MYO16: variants seen among roughly 807,000 people sequenced by gnomAD.
The protein encoded by MYO16 is unconventional myosin-XVI.
Under a neutral mutation model 205.3 loss-of-function variants are expected in MYO16, and 94 were observed. The ratio of observed to expected loss-of-function variants is 0.46; its 90% CI spans 0.39 to 0.54. The LOEUF (loss-of-function observed/expected upper bound fraction) is 0.54. MYO16 is among the 20% of genes least tolerant of loss of function. MYO16 has a pLI of 0.00. For synonymous variants in MYO16, 988 were observed against 954.0 expected (o/e 1.04, Z -0.66); for missense variants, 2,315 against 2,387.5 (o/e 0.97, Z 0.63).
chr13:109,012,228 A>G (rs1885626016), intron 22 of MYO16, among the ~76,000 whole-genome samples: 2 of 152,128 alleles, frequency 1.3e-5, no homozygotes, highest in Admixed American at 6.5e-5. Flanking sequence ...GGGGTCCCCA[A>G]CCCCTGGGGC....
chr13:108,900,851 A>G (rs1438406907), intron 15 of MYO16, among the ~76,000 whole-genome samples: 1 of 152,228 alleles, frequency 6.6e-6, no homozygotes, highest in African/African-American at 2.4e-5. Flanking sequence ...AGGTGGAGCC[A>G]TATTTCTCTT....
chr13:108,584,776 T>A, the MYO16 span, among the ~76,000 whole-genome samples: 1 of 152,232 alleles, frequency 6.6e-6, no homozygotes, highest in Non-Finnish European at 1.5e-5. Flanking sequence ...TTAGAGCAAC[T>A]TTGGACCAAA....
chr13:109,170,594 A>C (rs1243029220), intron 33 of MYO16, among the ~76,000 whole-genome samples: 1 of 151,990 alleles, frequency 6.6e-6, no homozygotes, highest in Admixed American at 6.6e-5. Context: ...CTTCACCAAA[A>C]TATTTAAGTT....
chr13:108,861,908 A>G (rs1392007260), intron 11 of MYO16, among the ~76,000 whole-genome samples: 1 of 152,128 alleles, frequency 6.6e-6, no homozygotes, highest in Non-Finnish European at 1.5e-5. Flanking sequence ...TACTCTTCAA[A>G]TAGCGTATTT....
chr13:108,740,547 T>C (rs9301312), intron 4 of MYO16, among the ~76,000 whole-genome samples: 111,457 of 152,034 alleles, frequency 0.73, 41,457 homozygotes, highest in Non-Finnish European at 0.8. Context: ...CTGCCCCTAC[T>C]GAGGGGTTCC....
At position 108,956,393 on chromosome 13, in the gene MYO16, C is replaced by T. The variant is rs149699626; in HGVS notation, c.1926-1295C>T. Among the ~76,000 whole-genome samples the T allele has an allele frequency of 1.8e-3, 272 of 152,300 alleles. 2 individuals carry two copies. Among genetic ancestry groups the T allele is most frequent in the African/African-American group, 6.2e-3 (257 of 41,560 alleles). On this transcript the variant is annotated intron_variant, in intron 16 of 34. Transcript: ENST00000457511. ...TGGGCCACACACTCCCCTTACTTGCCTTACCTCTTTGCAGGTAATCTTGCC... is the reference window on the plus strand; with the variant it reads ...TGGGCCACACACTCCCCTTACTTGCTTTACCTCTTTGCAGGTAATCTTGCC...
intron 27 of MYO16, among the ~76,000 whole-genome samples, chr13:109,095,147 A>T (rs1261144359): frequency 6.6e-6 from 1 of 152,264 alleles, no homozygotes; most frequent in Non-Finnish European, 1.5e-5. Flanking sequence ...AGACAGGAAG[A>T]GCAGGCTGTC....
chr13:108,840,986 T>C (rs433434), intron 9 of MYO16, among the ~76,000 whole-genome samples: 89,457 of 152,068 alleles, frequency 0.59, 27,705 homozygotes, highest in Middle Eastern at 0.72. Flanking sequence ...GATTTATCAA[T>C]TGAATGCAAT....
intron 16 of MYO16, among the ~76,000 whole-genome samples, chr13:108,914,201 TTAA>T (rs537692707): frequency 2.0e-3 from 297 of 149,124 alleles, no homozygotes; most frequent in Non-Finnish European, 2.9e-3. Context: ...TCTACTATTG[TTAA>T]TAATTACTGT....
chr13:108,500,325 G>A, the MYO16 span, among the ~76,000 whole-genome samples: 1 of 136,752 alleles, frequency 7.3e-6, no homozygotes, highest in African/African-American at 2.7e-5. Context: ...TGCCTCCCGG[G>A]TTCAAGCGAT....
At chr13:108,511,242 C>T in the MYO16 span, among the ~76,000 whole-genome samples, 16 of 138,750 alleles carry the variant, frequency 1.2e-4, 1 homozygote, top group East Asian at 2.3e-4. Flanking sequence ...GAGCTTTCTT[C>T]GTGTGTTTTT....
intron 23 of MYO16, among the ~76,000 whole-genome samples, chr13:109,036,632 T>C (rs1272669022): frequency 6.6e-6 from 1 of 152,208 alleles, no homozygotes; most frequent in Non-Finnish European, 1.5e-5. Flanking sequence ...TTTTGAGTTA[T>C]TTTATTGAAC....
intron 16 of MYO16, among the ~76,000 whole-genome samples, chr13:108,918,508 A>G (rs1881599734): frequency 6.6e-6 from 1 of 152,232 alleles, no homozygotes; most frequent in Non-Finnish European, 1.5e-5. Flanking sequence ...AGCCTGCTCA[A>G]GGTCAGGCAA....
Position 109,052,380 on chromosome 13 carries a change from T to C in MYO16, c.2953T>C (p.Phe985Leu), listed in dbSNP as rs541580222. 1.7e-5 allele frequency: 27 copies of C among 1,612,868 alleles called. No individual in the cohort carries two copies. Among genetic ancestry groups the C allele is most frequent in the South Asian group, 4.4e-5 (4 of 91,048 alleles). Residue 985 changes from phenylalanine to leucine, a missense_variant, in exon 25 of 35, where the codon TTT becomes CTT. Physicochemically the swap from Phe to Leu is conservative, Grantham distance 22. Around this residue, in one of 3 missense-constraint regions of MYO16, gnomAD observed 1,213 missense variants for 1,274.4 expected, o/e 0.95. Coordinates refer to ENST00000457511, the MANE Select transcript of MYO16 (RefSeq NM_001198950.3). ...TGSLVSAYPSFKFRGHKSALL... is the reference protein window; with the variant it reads ...TGSLVSAYPSLKFRGHKSALL... Reference sequence around the variant, plus strand: ...ATCCCTCGTATCTGCCTATCCTTCCTTTAAATTCCGAGGACATAAGTCTGC... The same window carrying C: ...ATCCCTCGTATCTGCCTATCCTTCCCTTAAATTCCGAGGACATAAGTCTGC...
chr13:108,909,639 G>A (rs1020087849), intron 15 of MYO16, among the ~76,000 whole-genome samples: 1 of 151,686 alleles, frequency 6.6e-6, no homozygotes, highest in African/African-American at 2.4e-5. Context: ...AACAGTGTAA[G>A]TTAATATCCA....
intron 31 of MYO16, among the ~76,000 whole-genome samples, chr13:109,135,370 A>T (rs762209283): frequency 5.3e-5 from 8 of 152,182 alleles, no homozygotes; most frequent in Admixed American, 1.3e-4. Context: ...CGTAGCTCTT[A>T]GGTCTATGTT....
At chr13:108,781,140 T>C (rs994620905) in intron 4 of MYO16, among the ~76,000 whole-genome samples, 4 of 152,236 alleles carry the variant, frequency 2.6e-5, no homozygotes, top group Admixed American at 2.6e-4. Flanking sequence ...TTCGCATATA[T>C]AGTATTTCAC....
chr13:109,100,860 C>G lies in MYO16; in HGVS notation c.3411C>G (p.Leu1137=). ...QSAAERCRLV[L]QQCKLQGWQM... ...CTGCCGAGCGATGTCGACTTGTTCT[C>G]CAGCAGTGTAAATTACAAGGCTGGC... The change falls in exon 28 of 35, where the codon CTC becomes CTG. Residue 1137 remains leucine (L), a synonymous_variant. Transcript: ENST00000457511. 6.2e-7 allele frequency: 1 copy of G among 1,613,230 alleles called. No homozygotes were observed. The highest frequency in any genetic ancestry group is 1.3e-5 in the African/African-American group (1 of 75,016).
chr13:109,061,071 A>T (rs932152103), intron 27 of MYO16, among the ~76,000 whole-genome samples: 1 of 151,540 alleles, frequency 6.6e-6, no homozygotes, highest in African/African-American at 2.4e-5. Context: ...TCATGAATCA[A>T]CCTCTGTTAT....
Sources: allele counts gnomAD v4.1 joint callset (sites outside exome capture counted in the v4.1 genomes callset), GRCh38; gene constraint gnomAD v4.1.1; regional missense constraint gnomAD v4.1.1; transcripts MANE v1.5; gene names NCBI Gene and HGNC (gene_info 2026-07-23, HGNC 2026-07-21).